The following RUSC2 variants were observed in gnomAD, a reference collection of about 807,000 sequenced individuals.
RUSC2 encodes the protein AP-4 complex accessory subunit RUSC2.
In RUSC2, 34 loss-of-function variants were observed where a neutral mutation model predicts 122.2. The observed-to-expected ratio is 0.28, with a 90% confidence interval of 0.21 to 0.37. The LOEUF (loss-of-function observed/expected upper bound fraction) is 0.37, where lower values mean the gene tolerates loss of function less well. RUSC2 is among the 10% of genes least tolerant of loss of function. The pLI is 1.00. For missense variants in RUSC2, 1,747 were observed against 1,952.4 expected (o/e 0.89, Z 1.98); for synonymous variants, 784 against 790.0 (o/e 0.99, Z 0.13).
At chr9:35,516,513 G>T (rs1821111079) in intron 1 of RUSC2, among the ~76,000 whole-genome samples, 1 of 152,180 alleles carries the variant, frequency 6.6e-6, no homozygotes, top group African/African-American at 2.4e-5. Flanking sequence ...ATGGTTTATG[G>T]TTCATTCTAC....
chr9:35,560,306 G>A lies in RUSC2; in HGVS notation c.3666G>A (p.Arg1222=). 6.2e-7 allele frequency: 1 copy of A among 1,601,446 alleles called. No homozygotes were observed. Among genetic ancestry groups the A allele is most frequent in the Non-Finnish European group, 8.5e-7 (1 of 1,173,408 alleles). ...RGQEGPGDVD[R]AAQGERVKGV... ...AGGAGGGCCCTGGAGACGTGGACAG[G>A]GCAGCCCAAGGGGAGCGGGTGAAGG... Residue 1222 remains arginine, a synonymous_variant, in exon 10 of 12, where the codon AGG becomes AGA. Coordinates refer to ENST00000361226, the MANE Select transcript of RUSC2 (RefSeq NM_014806.5).
intron 1 of RUSC2, among the ~76,000 whole-genome samples, chr9:35,531,154 G>C (rs752512345): frequency 8.5e-5 from 13 of 152,164 alleles, no homozygotes; most frequent in South Asian, 4.2e-4. Context: ...CCAGCTACTC[G>C]GGAGGCTGAG....
Position 35,548,852 on chromosome 9 carries a change from A to T in RUSC2, c.2014+317A>T. ...TGAGACCAGCCTGGCCAACATAATG[A>T]AACCCCAGCTCTACTAAAATAAAAA... is the stretch of plus-strand genomic sequence containing the variant. On this transcript the variant is annotated intron_variant, in intron 2 of 11. Coordinates refer to ENST00000361226, the MANE Select transcript of RUSC2 (RefSeq NM_014806.5). This position sits in a 1 kb window ranked among gnomAD's most constrained non-coding sequence, Gnocchi z 4.5. 1 of 625,546 alleles carries T rather than the reference A, an allele frequency of 1.6e-6. No homozygotes were observed. The highest frequency in any genetic ancestry group is 2.0e-6 in the Non-Finnish European group (1 of 501,332). The allele number at this position is 625,546 out of a possible 1,614,324, so 38.7% of individuals were successfully genotyped here.
intron 1 of RUSC2, among the ~76,000 whole-genome samples, chr9:35,529,402 G>A (rs879066846): frequency 8.0e-5 from 12 of 150,704 alleles, no homozygotes; most frequent in Middle Eastern, 3.4e-3. Flanking sequence ...AGGGCCTAGT[G>A]TAGCCAGTTC....
In RUSC2 at chr9:35,559,230, C is replaced by T. The variant is rs1231784591; in HGVS notation, c.3346C>T (p.Arg1116Trp). ...TCTTCACCTGTCTCCCTACAGCATC[C>T]GGTCCCTGGAGTTCTGGTTTAATCA... Reference protein sequence around the residue: ...NAFILGLLNIRSLEFWFNHLY... With the variant: ...NAFILGLLNIWSLEFWFNHLY... The change falls in exon 9 of 12, where the codon CGG becomes TGG. Residue 1116 changes from arginine (R) to tryptophan (W), a missense_variant. Transcript: ENST00000361226. The T allele has an allele frequency of 3.7e-6, 6 of 1,612,940 alleles. No homozygotes were observed. Among genetic ancestry groups the T allele is most frequent in the African/African-American group, 1.3e-5 (1 of 74,906 alleles).
intron 1 of RUSC2, among the ~76,000 whole-genome samples, chr9:35,496,662 G>A (rs1820720021): frequency 6.6e-6 from 1 of 152,134 alleles, no homozygotes; most frequent in Non-Finnish European, 1.5e-5. Flanking sequence ...TGATTCCTCT[G>A]AAGAATTTCA....
intron 1 of RUSC2, among the ~76,000 whole-genome samples, chr9:35,494,989 ATT>A (rs1451238179): frequency 1.7e-5 from 2 of 114,722 alleles, no homozygotes; most frequent in Non-Finnish European, 3.4e-5. Context: ...TATAATATAT[ATT>A]TTATATATTA....
At position 35,555,177 on chromosome 9, in the gene RUSC2, G is replaced by A. The variant is rs200756109; in HGVS notation, c.2132G>A (p.Arg711Gln). 46 of 1,613,488 alleles carry A rather than the reference G, an allele frequency of 2.9e-5. No individual in the cohort carries two copies. Among genetic ancestry groups the A allele is most frequent in the South Asian group, 1.3e-4 (12 of 91,086 alleles). ...TTCCCCAAGCAGCTGGCCAAGGCCC[G>A]GGCCCTCCACAGCCTTTCCCAGCTC... ...HHFPKQLAKA[R>Q]ALHSLSQLYS... The change falls in exon 3 of 12, where the codon CGG becomes CAG. Residue 711 changes from arginine to glutamine, a missense_variant. By Grantham distance (43) the Arg-to-Gln change is conservative. Transcript: ENST00000361226. This position sits in a 1 kb window ranked among gnomAD's most constrained non-coding sequence, Gnocchi z 4.6.
At chr9:35,494,589 G>A (rs1386730726) in intron 1 of RUSC2, among the ~76,000 whole-genome samples, 1 of 151,974 alleles carries the variant, frequency 6.6e-6, no homozygotes, top group African/African-American at 2.4e-5. Flanking sequence ...TCGGCCATTT[G>A]TATATCTTTG....
At position 35,560,255 on chromosome 9, in the gene RUSC2, G is replaced by A. The variant is rs201287792; in HGVS notation, c.3615G>A (p.Thr1205=). The change falls in exon 10 of 12, where the codon ACG becomes ACA. Residue 1205 remains threonine (T), a synonymous_variant. Coordinates refer to ENST00000361226, the MANE Select transcript of RUSC2 (RefSeq NM_014806.5). Reference sequence around the variant, plus strand: ...ACCTGCTGCTGTCTGCCCACTCCACGCTGCAGCTGGCCCGGGCCCGGGGCC... The same window carrying A: ...ACCTGCTGCTGTCTGCCCACTCCACACTGCAGCTGGCCCGGGCCCGGGGCC... ...SQDLLLSAHS[T]LQLARARGQE... The A allele has an allele frequency of 1.7e-5, 27 of 1,593,358 alleles. No homozygotes were observed. The East Asian group carries it at 2.9e-4, about 17-fold the overall frequency.
chr9:35,505,902 T>C (rs1233646955), intron 1 of RUSC2, among the ~76,000 whole-genome samples: 2 of 152,164 alleles, frequency 1.3e-5, no homozygotes, highest in African/African-American at 2.4e-5. Flanking sequence ...AGGTGAAAGA[T>C]TGAAAACTTT....
Position 35,560,466 on chromosome 9 carries a change from C to T in RUSC2, c.3826C>T (p.Gln1276Ter). ...GQAGWWYQLMQSSQVYIDGSI... is the reference protein window; with the variant it reads ...GQAGWWYQLM ...GGCCGGCTGGTGGTACCAGCTCATG[C>T]AGAGCTCCCAGGTCTACATCGATGG... The change falls in exon 10 of 12, where the codon CAG (glutamine) becomes TAG (stop). Residue 1276 changes from glutamine to a stop codon, truncating the protein, a stop_gained. Transcript: ENST00000361226. LOFTEE classifies it high-confidence loss of function. 6.2e-7 allele frequency: 1 copy of T among 1,614,232 alleles called. No homozygotes were observed. The highest frequency in any genetic ancestry group is 8.5e-7 in the Non-Finnish European group (1 of 1,180,022).
intron 1 of RUSC2, among the ~76,000 whole-genome samples, chr9:35,526,191 A>C (rs575727079): frequency 1.3e-5 from 2 of 152,280 alleles, no homozygotes; most frequent in Admixed American, 6.5e-5. Context: ...ACCAATGTTT[A>C]TATTCATGCC....
At chr9:35,500,212 A>G (rs1820795885) in intron 1 of RUSC2, among the ~76,000 whole-genome samples, 1 of 152,218 alleles carries the variant, frequency 6.6e-6, no homozygotes, top group Non-Finnish European at 1.5e-5. Context: ...TACAAAAGAA[A>G]GAGGTTTAAA....
At position 35,560,739 on chromosome 9, in the gene RUSC2, G is replaced by C; in HGVS notation, c.4099G>C (p.Ala1367Pro). ...RRSREREGPAASPAENEEGAS... is the reference protein window; with the variant it reads ...RRSREREGPAPSPAENEEGAS... ...CAGTCGGGAGAGGGAAGGGCCCGCTGCCTCGCCAGCAGAAAATGAGGAAGG... is the reference window on the plus strand; with the variant it reads ...CAGTCGGGAGAGGGAAGGGCCCGCTCCCTCGCCAGCAGAAAATGAGGAAGG... Residue 1367 changes from alanine (A) to proline (P), a missense_variant, in exon 10 of 12, where the codon GCC (alanine) becomes CCC (proline). Coordinates refer to ENST00000361226, the MANE Select transcript of RUSC2 (RefSeq NM_014806.5). 1 of 1,539,254 alleles carries C rather than the reference G, an allele frequency of 6.5e-7. No homozygotes were observed. Among genetic ancestry groups the C allele is most frequent in the Non-Finnish European group, 8.7e-7 (1 of 1,144,652 alleles).
intron 1 of RUSC2, among the ~76,000 whole-genome samples, chr9:35,516,233 G>C (rs1258979639): frequency 6.6e-6 from 1 of 152,010 alleles, no homozygotes; most frequent in Non-Finnish European, 1.5e-5. Context: ...CCTGTTTACA[G>C]AACCTGTAAC....
intron 1 of RUSC2, among the ~76,000 whole-genome samples, chr9:35,536,670 G>A (rs1281136638): frequency 1.3e-5 from 2 of 151,908 alleles, no homozygotes; most frequent in African/African-American, 2.4e-5. Context: ...AAACTTAGCC[G>A]GGGCATGGTG....
In RUSC2 at chr9:35,555,756, C is replaced by T; in HGVS notation, c.2656+55C>T. The T allele has an allele frequency of 2.6e-6, 4 of 1,538,766 alleles. No homozygotes were observed. Among genetic ancestry groups the T allele is most frequent in the Non-Finnish European group, 3.5e-6 (4 of 1,151,894 alleles). On this transcript the variant is annotated intron_variant, in intron 3 of 11. Transcript: ENST00000361226. This position sits in a 1 kb window ranked among gnomAD's most constrained non-coding sequence, Gnocchi z 4.6. ...CCGCCACCTCACGCAAGCACTTCCA[C>T]CACCTCCCCTTTGAGTGGTTGCTTA...
chr9:35,511,178 T>G (rs927551908), intron 1 of RUSC2, among the ~76,000 whole-genome samples: 4 of 152,194 alleles, frequency 2.6e-5, no homozygotes, highest in African/African-American at 9.7e-5. Flanking sequence ...CAGCTAGTGC[T>G]GGACTTTTGA....
Sources: gnomAD v4.1 joint callset for allele counts (sites outside exome capture counted in the v4.1 genomes callset) on GRCh38, gnomAD v4.1.1 for gene constraint, Gnocchi (gnomAD v3.1) non-coding constraint, MANE v1.5 for transcripts, NCBI Gene and HGNC (gene_info 2026-07-23, HGNC 2026-07-21) for gene names.